The following CRLF2 variants were observed in gnomAD, a reference collection of about 807,000 sequenced individuals.
CRLF2 encodes the protein cytokine receptor like factor 2.
In CRLF2, 41 loss-of-function variants were observed where a neutral mutation model predicts 38.7. The ratio of observed to expected loss-of-function variants is 1.06; its 90% CI spans 0.83 to 1.37. CRLF2 has a LOEUF of 1.37. Ranked by LOEUF, CRLF2 falls within the 40% of genes most tolerant of loss-of-function variation. The pLI, the probability that CRLF2 is intolerant of heterozygous loss-of-function variation, is 0.00. For synonymous variants in CRLF2, 140 were observed against 128.8 expected, an observed-to-expected ratio of 1.09 and a Z score of -0.59; for missense variants, 377 against 322.2, an observed-to-expected ratio of 1.17 and a Z score of -1.30.
At chrX:1,191,324 T>TC (rs1452322249) in intron 7 of CRLF2, among the ~76,000 whole-genome samples, 164 bp from the exon 8 acceptor site, 1 of 116,860 alleles carries the variant, frequency 8.6e-6, no homozygotes, top group Non-Finnish European at 1.8e-5. Flanking sequence ...TTTCTTTCTT[T>TC]CTTTCTTTCT....
chrX:1,205,413 C>A (rs1438925146), intron 3 of CRLF2, among the ~76,000 whole-genome samples: 1 of 151,984 alleles, frequency 6.6e-6, no homozygotes, highest in South Asian at 2.1e-4. Flanking sequence ...CCGCGACTTG[C>A]GAGAGCTTGC....
At chrX:1,192,103 G>T (rs1209601034) in intron 7 of CRLF2, among the ~76,000 whole-genome samples, 2 of 148,360 alleles carry the variant, frequency 1.3e-5, no homozygotes, top group Non-Finnish European at 3.0e-5. Flanking sequence ...TACTTGGGAG[G>T]CTGAGGCAGG....
rs1555888085 is a variant in CRLF2 at position 1,198,732 on chromosome X, AACATACACAC to A, written c.484-18_484-9del. 1 of 873,628 alleles carries A rather than the reference AACATACACAC, an allele frequency of 1.1e-6. No individual in the cohort carries two copies. Among genetic ancestry groups the A allele is most frequent in the African/African-American group, 2.4e-5 (1 of 42,252 alleles). The allele number at this position is 873,628 out of a possible 1,614,324, so 54.1% of individuals were successfully genotyped here. On this transcript the variant is annotated splice_polypyrimidine_tract_variant and intron_variant, in intron 4 of 7. Transcript: ENST00000400841. ...GGTATTTTCCTGTTTGGACTGGAGAAACATACACACACACACACACACACACACACACACA... is the reference window on the plus strand; with the variant it reads ...GGTATTTTCCTGTTTGGACTGGAGAAACACACACACACACACACACACACA...
intron 6 of CRLF2, among the ~76,000 whole-genome samples, chrX:1,193,699 G>A (rs1216310927): frequency 6.7e-5 from 10 of 149,428 alleles, no homozygotes; most frequent in African/African-American, 1.5e-4. Context: ...GGAGAATGGC[G>A]TGAACCCGGG....
At chrX:1,207,609 A>T (rs1383184388) in intron 2 of CRLF2, among the ~76,000 whole-genome samples, 12 of 149,484 alleles carry the variant, frequency 8.0e-5, no homozygotes, top group African/African-American at 3.0e-4. Flanking sequence ...GAATTCTGCA[A>T]CTACGTGCAA....
chrX:1,201,303 CA>C (rs1425229147), intron 4 of CRLF2, among the ~76,000 whole-genome samples: 2 of 119,996 alleles, frequency 1.7e-5, no homozygotes, highest in African/African-American at 7.6e-5. Flanking sequence ...TGTGTCTGTG[CA>C]TGTCTGTGTG....
chrX:1,211,834 TA>T (rs1337867127), intron 1 of CRLF2, among the ~76,000 whole-genome samples: 1 of 87,540 alleles, frequency 1.1e-5, no homozygotes, highest in Non-Finnish European at 2.2e-5. Context: ...GATAAGTGGA[TA>T]AAAGTGTGGG....
rs369243623 is a variant in CRLF2, at chrX:1,206,488, G to A, written c.294C>T (p.Ser98=). 1.0e-4 allele frequency: 161 copies of A among 1,613,468 alleles called. No homozygotes were observed. Among genetic ancestry groups the A allele is most frequent in the Non-Finnish European group, 1.3e-4 (152 of 1,179,602 alleles). ...AAACGGGGTGCGTCCCATTCCTGAT[G>A]GAGAAATAGAGAATGTCGTCTCGCT... ...AEQRDDILYF[S]IRNGTHPVFT... The change falls in exon 3 of 8, where the codon TCC becomes TCT. Residue 98 remains serine, a synonymous_variant. Transcript: ENST00000400841.
chrX:1,208,938 G>A (rs745434270), intron 1 of CRLF2, 30 bp from the exon 2 acceptor site: 11 of 1,188,676 alleles, frequency 9.3e-6, no homozygotes, highest in South Asian at 7.8e-5. Flanking sequence ...TGAAGTTCAC[G>A]GTGAGGCAAC....
At chrX:1,196,750 C>T in intron 6 of CRLF2, 30 bp downstream of exon 6, 1 of 1,610,320 alleles carries the variant, frequency 6.2e-7, no homozygotes, top group Non-Finnish European at 8.5e-7. Flanking sequence ...GCAGGTCCCT[C>T]CACCCACGGG....
At chrX:1,211,221 A>G (rs1419215743) in intron 1 of CRLF2, among the ~76,000 whole-genome samples, 1 of 143,400 alleles carries the variant, frequency 7.0e-6, no homozygotes, top group Non-Finnish European at 1.5e-5. Context: ...GGATACGTAG[A>G]TGTGTACATG....
chrX:1,209,289 T>TTGTATTGTAGTGTAG (rs1556425178), intron 1 of CRLF2, among the ~76,000 whole-genome samples: 65 of 106,854 alleles, frequency 6.1e-4, no homozygotes, highest in African/African-American at 1.9e-3. Flanking sequence ...TTGTATTGCA[T>TTGTATTGTAGTGTAG]TGTATTGTAG....
chrX:1,192,143 T>G (rs1423187390), intron 7 of CRLF2, among the ~76,000 whole-genome samples: 1 of 136,070 alleles, frequency 7.3e-6, no homozygotes, highest in East Asian at 2.2e-4. Flanking sequence ...AGGTGGAGCT[T>G]GCAGTGAGCC....
intron 6 of CRLF2, among the ~76,000 whole-genome samples, chrX:1,195,924 G>A (rs2086466329): frequency 7.5e-6 from 1 of 133,396 alleles, no homozygotes; most frequent in African/African-American, 2.8e-5. Flanking sequence ...TTTTTATATA[G>A]ATTACATTAA....
At chrX:1,196,971 T>G (rs1238804340) in intron 5 of CRLF2, 71 bp from the exon 6 acceptor site, 2 of 1,412,944 alleles carry the variant, frequency 1.4e-6, no homozygotes, top group Non-Finnish European at 2.0e-6. Flanking sequence ...AACGTGATGT[T>G]ACATCTCATC....
chrX:1,192,847 T>C (rs2086417761), intron 7 of CRLF2, among the ~76,000 whole-genome samples: 1 of 147,510 alleles, frequency 6.8e-6, no homozygotes, highest in African/African-American at 2.5e-5. Flanking sequence ...AGAGTCTCAC[T>C]CTGTCACCCA....
intron 7 of CRLF2, among the ~76,000 whole-genome samples, 182 bp from the exon 8 acceptor site, chrX:1,191,342 TTTCC>T (rs1222608653): frequency 0.015 from 1,471 of 100,706 alleles, 82 homozygotes; most frequent in African/African-American, 0.045. Flanking sequence ...TCTTTCTTTC[TTTCC>T]TTCTTTCTTT....
At chrX:1,210,100 T>C (rs2086767799) in intron 1 of CRLF2, among the ~76,000 whole-genome samples, 1 of 40,120 alleles carries the variant, frequency 2.5e-5, no homozygotes, top group African/African-American at 1.4e-4. Flanking sequence ...CAAGACTCCC[T>C]ATCAAAAAAA....
chrX:1,209,179 G>A (rs1358622541), intron 1 of CRLF2, among the ~76,000 whole-genome samples: 1 of 151,924 alleles, frequency 6.6e-6, no homozygotes, highest in Non-Finnish European at 1.5e-5. Context: ...GTGTTAGCCA[G>A]GATGGTCTCG....
Sources: allele counts gnomAD v4.1 joint callset (sites outside exome capture counted in the v4.1 genomes callset), GRCh38; gene constraint gnomAD v4.1.1; transcripts MANE v1.5; gene names NCBI Gene and HGNC (gene_info 2026-07-23, HGNC 2026-07-21).